Variants in SARNP observed in about 807,000 individuals in gnomAD.
SARNP encodes SAP domain-containing ribonucleoprotein.
In SARNP, 5 loss-of-function variants were observed where a neutral mutation model predicts 38.1. The ratio of observed to expected loss-of-function variants is 0.13; its 90% CI spans 0.07 to 0.28. The LOEUF is 0.28. Among genes scored for constraint, SARNP ranks in the 10% least tolerant of loss-of-function variants. The pLI, the probability that SARNP is intolerant of heterozygous loss-of-function variation, is 1.00. For synonymous variants in SARNP, 84 were observed against 80.6 expected (o/e 1.04, Z -0.23); for missense variants, 180 against 243.9 (o/e 0.74, Z 1.75).
chr12:55,809,995 T>C (rs994597539), intron 1 of SARNP, among the ~76,000 whole-genome samples: 2 of 152,234 alleles, frequency 1.3e-5, no homozygotes, highest in African/African-American at 4.8e-5. Context: ...GTTTTTTAAA[T>C]CTTATTTTTC....
intron 1 of SARNP, among the ~76,000 whole-genome samples, chr12:55,812,906 A>G (rs1049979090): frequency 2.6e-5 from 4 of 152,174 alleles, no homozygotes; most frequent in Non-Finnish European, 5.9e-5. Context: ...CGAGCTTACA[A>G]TCTTGCAGAG....
intron 9 of SARNP, 158 bp from the exon 10 acceptor site, chr12:55,760,798 GC>G: frequency 1.6e-6 from 1 of 610,174 alleles, no homozygotes; most frequent in East Asian, 2.7e-5. Context: ...AACTGAATAA[GC>G]TAGCATATAC....
intron 9 of SARNP, among the ~76,000 whole-genome samples, chr12:55,777,271 A>ATACC (rs1298188805): frequency 1.3e-5 from 2 of 152,176 alleles, no homozygotes; most frequent in Non-Finnish European, 2.9e-5. Context: ...ACTTTCCCAA[A>ATACC]TACCTAGTTT....
intron 9 of SARNP, among the ~76,000 whole-genome samples, chr12:55,770,398 T>G (rs1413785999): frequency 1.3e-5 from 2 of 151,236 alleles, no homozygotes; most frequent in African/African-American, 2.4e-5. Context: ...AGCTAGGTTT[T>G]TTTTTTTTTT....
chr12:55,769,398 C>G (rs1433507945), intron 9 of SARNP, among the ~76,000 whole-genome samples: 1 of 152,196 alleles, frequency 6.6e-6, no homozygotes, highest in Non-Finnish European at 1.5e-5. Flanking sequence ...CACCAAGTTA[C>G]TATAAAGGTG....
chr12:55,794,771 C>A (rs774799696), intron 6 of SARNP, 36 bp downstream of exon 6: 1 of 1,231,100 alleles, frequency 8.1e-7, no homozygotes, highest in Non-Finnish European at 1.2e-6. Flanking sequence ...CTTTACAACA[C>A]CCCTATCAGA....
intron 10 of SARNP, 81 bp from the exon 11 acceptor site, chr12:55,757,634 A>T (rs1878551473): frequency 9.0e-7 from 1 of 1,106,864 alleles, no homozygotes; most frequent in South Asian, 1.5e-5. Flanking sequence ...ATCCAAACTC[A>T]CATGAACTGT....
intron 9 of SARNP, among the ~76,000 whole-genome samples, chr12:55,788,442 T>C (rs956938657): frequency 6.6e-6 from 1 of 152,196 alleles, no homozygotes; most frequent in African/African-American, 2.4e-5. Flanking sequence ...ATTATCAAAG[T>C]TAAAGTAGAT....
At position 55,774,558 on chromosome 12, in the gene SARNP, T is replaced by TAAAAAAAAAAAAAAAAAAAAAAAAAAA. The variant is rs1565673497; in HGVS notation, c.502-13919_502-13918insTTTTTTTTTTTTTTTTTTTTTTTTTTT. On this transcript the variant is annotated intron_variant, in intron 9 of 10. Transcript: ENST00000336133. ...CGACACGGTGAAACCCCGTCTCTAC[T>TAAAAAAAAAAAAAAAAAAAAAAAAAAA]GAAAAAAAAAAAAAAACAAACAAAA... is the stretch of plus-strand genomic sequence containing the variant. Among the ~76,000 whole-genome samples the TAAAAAAAAAAAAAAAAAAAAAAAAAAA allele has an allele frequency of 1.5e-4, 6 of 40,524 alleles. 1 individual carries two copies. Among genetic ancestry groups the TAAAAAAAAAAAAAAAAAAAAAAAAAAA allele is most frequent in the Admixed American group, 2.4e-4 (1 of 4,146 alleles). The allele number at this position is 40,524 out of a possible 152,430, so 26.6% of individuals were successfully genotyped here.
At chr12:55,765,100 T>C (rs1020565286) in intron 9 of SARNP, among the ~76,000 whole-genome samples, 4 of 152,176 alleles carry the variant, frequency 2.6e-5, no homozygotes, top group Non-Finnish European at 4.4e-5. Flanking sequence ...TAGACCACTA[T>C]CTTGTTAAAC....
At chr12:55,817,597 G>T (rs1880535718) in intron 1 of SARNP, 69 bp downstream of exon 1, 2 of 1,461,648 alleles carry the variant, frequency 1.4e-6, no homozygotes, top group African/African-American at 2.8e-5. Context: ...CGTAGGAGAA[G>T]GCGCAAGCTA....
At chr12:55,803,846 C>T in intron 1 of SARNP, 118 bp from the exon 2 acceptor site, 1 of 637,552 alleles carries the variant, frequency 1.6e-6, no homozygotes, top group Non-Finnish European at 2.7e-6. Flanking sequence ...AAATTACTGC[C>T]CTTAATTCTA....
chr12:55,771,599 C>T (rs1449403368), intron 9 of SARNP, among the ~76,000 whole-genome samples: 1 of 152,152 alleles, frequency 6.6e-6, no homozygotes, highest in East Asian at 1.9e-4. Flanking sequence ...AGCTCAGGTA[C>T]TGCTATTATT....
At chr12:55,777,688 A>C (rs1384736109) in intron 9 of SARNP, among the ~76,000 whole-genome samples, 1 of 152,010 alleles carries the variant, frequency 6.6e-6, no homozygotes, top group East Asian at 1.9e-4. Flanking sequence ...CTTTCCTCTT[A>C]AAATGTTCAA....
chr12:55,802,030 A>C (rs1879993698), intron 2 of SARNP, among the ~76,000 whole-genome samples: 1 of 152,262 alleles, frequency 6.6e-6, no homozygotes, highest in Non-Finnish European at 1.5e-5. Context: ...TGGGCAAAGA[A>C]GAAACCCAAA....
chr12:55,806,267 TA>T (rs1164809917), intron 1 of SARNP, among the ~76,000 whole-genome samples: 10 of 149,190 alleles, frequency 6.7e-5, no homozygotes, highest in East Asian at 2.0e-4. Flanking sequence ...AAGACTAAAT[TA>T]AAAAAAATTT....
Position 55,761,689 on chromosome 12 carries a change from A to T in SARNP, c.502-1049T>A, listed in dbSNP as rs1221914667. The stretch of plus-strand genomic sequence containing the variant: ...TATATATTTTCCTATCAGAACCTAA[A>T]CCCTACCATTTTATTTAGCCCACTT... On this transcript the variant is annotated intron_variant, in intron 9 of 10. Transcript: ENST00000336133. The T allele has an allele frequency of 2.6e-5, 4 of 152,070 alleles. No homozygotes were observed. In the East Asian group the frequency reaches 7.7e-4, roughly 29 times the overall value. The allele number at this position is 152,070 out of a possible 1,614,324, so 9.4% of individuals were successfully genotyped here.
intron 9 of SARNP, among the ~76,000 whole-genome samples, chr12:55,786,186 T>C (rs558184431): frequency 5.9e-5 from 9 of 152,354 alleles, no homozygotes; most frequent in East Asian, 1.9e-4. Flanking sequence ...GTATACAGTA[T>C]AGCATTGATG....
chr12:55,813,027 C>T (rs902240740), intron 1 of SARNP, among the ~76,000 whole-genome samples: 4 of 151,870 alleles, frequency 2.6e-5, no homozygotes, highest in African/African-American at 9.7e-5. Flanking sequence ...GCTCCTGCAA[C>T]CTCCGCCTCC....
Sources: allele counts gnomAD v4.1 joint callset (sites outside exome capture counted in the v4.1 genomes callset), GRCh38; gene constraint gnomAD v4.1.1; transcripts MANE v1.5; gene names NCBI Gene and HGNC (gene_info 2026-07-23, HGNC 2026-07-21).